The following FRYL variants were observed in gnomAD, a reference collection of about 807,000 sequenced individuals.
FRYL encodes protein furry homolog-like.
FRYL carries 150 observed loss-of-function variants against 351.2 expected under a neutral mutation model. That is an observed-to-expected ratio of 0.43 (90% CI 0.37 to 0.49). The LOEUF (loss-of-function observed/expected upper bound fraction) is 0.49, where lower values mean the gene tolerates loss of function less well. FRYL is among the 20% of genes least tolerant of loss of function. The probability of loss-of-function intolerance (pLI) is 0.00; values close to 1 mark genes in which losing one functional copy is unlikely to be tolerated. For missense variants in FRYL, 3,036 were observed against 3,619.3 expected, an observed-to-expected ratio of 0.84 and a Z score of 4.13; for synonymous variants, 1,153 against 1,257.1, an observed-to-expected ratio of 0.92 and a Z score of 1.75.
At chr4:48,525,162 GGT>G (rs1491308751) in intron 53 of FRYL, among the ~76,000 whole-genome samples, 2 of 118,456 alleles carry the variant, frequency 1.7e-5, no homozygotes, top group Non-Finnish European at 3.3e-5. Context: ...TATTTTTAAA[GGT>G]ATATATATAT....
Position 48,540,363 on chromosome 4 carries a change from G to A in FRYL, c.6285C>T (p.Ser2095=), listed in dbSNP as rs201448667. 1 of 1,612,074 alleles carries A rather than the reference G, an allele frequency of 6.2e-7. No homozygotes were observed. The highest frequency in any genetic ancestry group is 2.2e-5 in the East Asian group (1 of 44,832). Residue 2095 remains serine, a synonymous_variant, in exon 46 of 64, where the codon TCC becomes TCT. Coordinates refer to ENST00000358350, the MANE Select transcript of FRYL (RefSeq NM_015030.2). ...SVSKHTLVDP[S]QLSGFPLNIL... The stretch of plus-strand genomic sequence containing the variant: ...TTATATTAACATCACCTGACAATTG[G>A]GAAGGATCCACCAATGTATGTTTGG...
chr4:48,583,207 A>G (rs1313916469), intron 19 of FRYL, among the ~76,000 whole-genome samples: 1 of 151,364 alleles, frequency 6.6e-6, no homozygotes, highest in Non-Finnish European at 1.5e-5. Flanking sequence ...GCTGGAGTGC[A>G]GCGGCATGAT....
At chr4:48,656,916 G>A (rs959744926) in intron 3 of FRYL, among the ~76,000 whole-genome samples, 9 of 152,068 alleles carry the variant, frequency 5.9e-5, no homozygotes, top group Non-Finnish European at 1.3e-4. Flanking sequence ...CATGTGGGCA[G>A]AGCCTCATTC....
In FRYL at chr4:48,549,742, T is replaced by G; in HGVS notation, c.4634-119A>C. The G allele has an allele frequency of 1.3e-6, 1 of 748,206 alleles. No individual in the cohort carries two copies. Among genetic ancestry groups the G allele is most frequent in the East Asian group, 2.9e-5 (1 of 34,370 alleles). The allele number at this position is 748,206 out of a possible 1,614,324, so 46.3% of individuals were successfully genotyped here. The stretch of plus-strand genomic sequence containing the variant: ...GAAAGTGATAAAAAAAATTTCCCAC[T>G]ATTTCAACATGTTTGCTAGGAAAAT... On this transcript the variant is annotated intron_variant, in intron 38 of 63. Transcript: ENST00000358350. The surrounding 1 kb of genome is among the most constrained non-coding windows in gnomAD (Gnocchi z 4.2).
chr4:48,586,658 C>T lies in FRYL; in HGVS notation c.1711G>A (p.Gly571Ser), dbSNP rs1742166008. ...IAAIPRLIPDGMSRTDLIELL... is the reference protein window; with the variant it reads ...IAAIPRLIPDSMSRTDLIELL... ...TCAATCAGGTCAGTTCTGCTCATAC[C>T]GTCAGGAATCAACCTTGGAATCGCA... Residue 571 changes from glycine (G) to serine (S), a missense_variant, in exon 19 of 64, where the codon GGT (glycine) becomes AGT (serine). Physicochemically the swap from Gly to Ser is moderately conservative, Grantham distance 56 (BLOSUM62 0). Coordinates refer to ENST00000358350, the MANE Select transcript of FRYL (RefSeq NM_015030.2). The T allele has an allele frequency of 6.2e-7, 1 of 1,612,000 alleles. No individual in the cohort carries two copies. The highest frequency in any genetic ancestry group is 8.5e-7 in the Non-Finnish European group (1 of 1,179,092).
At chr4:48,697,052 T>C (rs537927172) in intron 2 of FRYL, among the ~76,000 whole-genome samples, 20 of 152,222 alleles carry the variant, frequency 1.3e-4, no homozygotes, top group South Asian at 8.3e-4. Context: ...TAAACTATTA[T>C]GGTGTAACTG....
At chr4:48,712,632 G>C (rs1422826794) in intron 1 of FRYL, among the ~76,000 whole-genome samples, 1 of 152,196 alleles carries the variant, frequency 6.6e-6, no homozygotes, top group Non-Finnish European at 1.5e-5. Flanking sequence ...GAATCAAGTT[G>C]GAAAACACTC....
rs376588339 is a variant in FRYL, at chr4:48,512,438, A to C, written c.8145+43T>G. On this transcript the variant is annotated intron_variant, in intron 57 of 63. Coordinates refer to ENST00000358350, the MANE Select transcript of FRYL (RefSeq NM_015030.2). ...TTAGAAGAAAAACTGTAACTTGATT[A>C]GGTAACTATAATATGAATTCAGAAA... The C allele has an allele frequency of 8.3e-5, 113 of 1,368,236 alleles. 1 individual carries two copies. The Middle Eastern group carries it at 9.1e-4, about 11-fold the overall frequency. The allele number at this position is 1,368,236 out of a possible 1,614,324, so 84.8% of individuals were successfully genotyped here.
At chr4:48,510,267 T>C (rs1722194885) in intron 58 of FRYL, 110 bp from the exon 59 acceptor site, 1 of 777,850 alleles carries the variant, frequency 1.3e-6, no homozygotes, top group East Asian at 2.5e-5. Context: ...GGTTTTTGGA[T>C]ATTCTCTTAA....
chr4:48,678,507 CAAAAAAAAAAA>C (rs10639089), intron 3 of FRYL, among the ~76,000 whole-genome samples: 11 of 71,770 alleles, frequency 1.5e-4, no homozygotes, highest in Admixed American at 2.1e-4. Context: ...AACTCCATCT[CAAAAAAAAAAA>C]AAAAAAAAAA....
At chr4:48,568,346 A>G (rs1737328543) in intron 27 of FRYL, among the ~76,000 whole-genome samples, 1 of 152,228 alleles carries the variant, frequency 6.6e-6, no homozygotes, top group Non-Finnish European at 1.5e-5. Context: ...GTATTTGGTT[A>G]GAGTCAGAAG....
intron 2 of FRYL, among the ~76,000 whole-genome samples, chr4:48,689,947 A>C (rs1392863025): frequency 2.2e-5 from 3 of 137,472 alleles, no homozygotes; most frequent in Non-Finnish European, 4.5e-5. Context: ...TCCAGGCTGG[A>C]GTGCAGTGGC....
intron 1 of FRYL, among the ~76,000 whole-genome samples, chr4:48,775,662 A>AG (rs1382857356): frequency 6.6e-6 from 1 of 152,204 alleles, no homozygotes; most frequent in Non-Finnish European, 1.5e-5. Flanking sequence ...GGCTACTATG[A>AG]GGAGTGCCCG....
chr4:48,748,555 A>G (rs1381782389), intron 1 of FRYL, among the ~76,000 whole-genome samples: 1 of 152,116 alleles, frequency 6.6e-6, no homozygotes, highest in Non-Finnish European at 1.5e-5. Context: ...CGGAAGACAC[A>G]TGTTAACTAC....
At chr4:48,710,472 A>G (rs1298839224) in intron 2 of FRYL, 47 bp downstream of exon 2, 6 of 398,410 alleles carry the variant, frequency 1.5e-5, no homozygotes, top group Non-Finnish European at 2.7e-5. Context: ...ACTCATATAT[A>G]AAAAAGGAAA....
intron 2 of FRYL, among the ~76,000 whole-genome samples, chr4:48,698,418 C>T (rs762462950): frequency 3.8e-4 from 58 of 152,210 alleles, no homozygotes; most frequent in African/African-American, 8.7e-4. Flanking sequence ...CTCAATGTGA[C>T]GTGATGGGCT....
chr4:48,524,310 T>C (rs1164616149), intron 53 of FRYL, among the ~76,000 whole-genome samples: 1 of 152,174 alleles, frequency 6.6e-6, no homozygotes, highest in African/African-American at 2.4e-5. Flanking sequence ...ATTGGATCTT[T>C]GAATCTGTCC....
chr4:48,522,495 T>C (rs542001103), intron 54 of FRYL, among the ~76,000 whole-genome samples: 2 of 152,338 alleles, frequency 1.3e-5, no homozygotes, highest in African/African-American at 4.8e-5. Flanking sequence ...AGCTTTCATT[T>C]TCCACTGACT....
At chr4:48,772,774 G>A (rs1370684972) in intron 1 of FRYL, among the ~76,000 whole-genome samples, 2 of 150,592 alleles carry the variant, frequency 1.3e-5, no homozygotes, top group African/African-American at 4.9e-5. Context: ...CAAAGAACAC[G>A]TGAGTGGTTT....
Sources: gnomAD v4.1 joint callset for allele counts (sites outside exome capture counted in the v4.1 genomes callset) on GRCh38, gnomAD v4.1.1 for gene constraint, Gnocchi (gnomAD v3.1) non-coding constraint, MANE v1.5 for transcripts, NCBI Gene and HGNC (gene_info 2026-07-23, HGNC 2026-07-21) for gene names.